Variants in QTRT2 observed in about 807,000 individuals in gnomAD.
QTRT2 encodes queuine tRNA-ribosyltransferase domain containing 1.
A neutral mutation model predicts 44.8 loss-of-function variants in QTRT2; 32 were observed. The observed-to-expected ratio is 0.71, with a 90% CI of 0.54 to 0.96. The LOEUF is 0.96. QTRT2 is among the 40% of genes least tolerant of loss of function. The pLI, the probability that QTRT2 is intolerant of heterozygous loss-of-function variation, is 0.00. For missense variants in QTRT2, 461 were observed against 503.1 expected, an observed-to-expected ratio of 0.92 and a Z score of 0.80; for synonymous variants, 182 against 187.4, an observed-to-expected ratio of 0.97 and a Z score of 0.24.
At chr3:114,072,299 T>C (rs2077034572) in intron 6 of QTRT2, among the ~76,000 whole-genome samples, 1 of 152,094 alleles carries the variant, frequency 6.6e-6, no homozygotes, top group Non-Finnish European at 1.5e-5. Context: ...ATTACAGGCA[T>C]GCGCCACCGT....
At chr3:114,066,442 A>G in intron 4 of QTRT2, 159 bp downstream of exon 4, 1 of 571,570 alleles carries the variant, frequency 1.7e-6, no homozygotes, top group Non-Finnish European at 3.2e-6. Context: ...GTCAAGATTG[A>G]ATAGGAAACA....
At chr3:114,075,612 G>A (rs1260738370) in intron 6 of QTRT2, among the ~76,000 whole-genome samples, 1 of 150,216 alleles carries the variant, frequency 6.7e-6, no homozygotes, top group Non-Finnish European at 1.5e-5. Context: ...CGGCTCAAGC[G>A]ATTCTCCCAC....
chr3:114,068,336 A>G lies in QTRT2; in HGVS notation c.333+273A>G. On this transcript the variant is annotated intron_variant, in intron 5 of 9. Coordinates refer to ENST00000281273, the MANE Select transcript of QTRT2 (RefSeq NM_024638.4). The stretch of plus-strand genomic sequence containing the variant: ...GGTCAAATACATGCCAAAAAAAGAA[A>G]TTGCTATGATAGGGGAAAACGATAG... 3 of 340,262 alleles carry G rather than the reference A, an allele frequency of 8.8e-6. No homozygotes were observed. In the South Asian group the frequency reaches 1.2e-4, roughly 14 times the overall value. 21.1% of individuals were successfully genotyped at this position (340,262 alleles called of 1,614,324 possible). A position where few individuals can be genotyped will look rare whatever the true frequency, so the allele number is the denominator to read the frequency against.
At chr3:114,062,006 T>C (rs1188894985) in intron 2 of QTRT2, among the ~76,000 whole-genome samples, 2 of 126,508 alleles carry the variant, frequency 1.6e-5, no homozygotes, top group East Asian at 4.7e-4. Context: ...TGCTGCAGGA[T>C]ATTCTAAAAA....
intron 6 of QTRT2, among the ~76,000 whole-genome samples, chr3:114,075,162 A>G (rs571379184): frequency 2.2e-4 from 33 of 152,174 alleles, no homozygotes; most frequent in Non-Finnish European, 4.6e-4. Flanking sequence ...TTATCAGGTT[A>G]TGTACGTACC....
At chr3:114,075,128 G>A (rs2077072200) in intron 6 of QTRT2, among the ~76,000 whole-genome samples, 1 of 152,118 alleles carries the variant, frequency 6.6e-6, no homozygotes, top group Non-Finnish European at 1.5e-5. Flanking sequence ...TTCCTAAGAC[G>A]TTGAAATGAT....
chr3:114,082,449 T>C (rs1325487919), intron 8 of QTRT2: 1 of 288,404 alleles, frequency 3.5e-6, no homozygotes, highest in East Asian at 6.2e-5. Flanking sequence ...TATAATTTGC[T>C]TAGATATTAT....
intron 6 of QTRT2, among the ~76,000 whole-genome samples, chr3:114,074,032 C>T (rs1162564809): frequency 6.6e-6 from 1 of 152,084 alleles, no homozygotes; most frequent in Non-Finnish European, 1.5e-5. Context: ...TTAGGGATGG[C>T]GAATGGTTTC....
chr3:114,060,118 G>A (rs1227191888), intron 2 of QTRT2, among the ~76,000 whole-genome samples: 1 of 152,024 alleles, frequency 6.6e-6, no homozygotes, highest in Non-Finnish European at 1.5e-5. Flanking sequence ...AGAGTGGGAA[G>A]GGGAGATGAG....
intron 2 of QTRT2, among the ~76,000 whole-genome samples, chr3:114,060,504 ATAGATAGATAGATAGATAG>A (rs1559946096): frequency 2.2e-5 from 1 of 46,318 alleles, no homozygotes; most frequent in Non-Finnish European, 5.8e-5. Flanking sequence ...AGGTAGATAG[ATAGATAGATAGATAGATAG>A]ATAGATAGAT....
chr3:114,070,890 A>C, intron 6 of QTRT2, 52 bp downstream of exon 6: 1 of 1,428,586 alleles, frequency 7.0e-7, no homozygotes, highest in South Asian at 1.2e-5. Flanking sequence ...TGCCTCCCTT[A>C]CATTCTGTGA....
chr3:114,083,546 G>A (rs376393872), intron 9 of QTRT2, among the ~76,000 whole-genome samples: 2 of 152,130 alleles, frequency 1.3e-5, no homozygotes, highest in East Asian at 1.9e-4. Flanking sequence ...TCCAAAAGTG[G>A]TAATCATCAG....
At chr3:114,084,660 T>C (rs544493281) in intron 9 of QTRT2, among the ~76,000 whole-genome samples, 57 of 152,310 alleles carry the variant, frequency 3.7e-4, no homozygotes, top group Admixed American at 1.6e-3. Flanking sequence ...GTCCTTTAAC[T>C]GTACTAATAC....
At position 114,056,955 on chromosome 3, in the gene QTRT2, C is replaced by G. The variant is rs1452595309; in HGVS notation, c.-129-44C>G. 4 of 1,493,608 alleles carry G rather than the reference C, an allele frequency of 2.7e-6. No individual in the cohort carries two copies. In the African/African-American group the frequency reaches 4.2e-5, roughly 16 times the overall value. 92.5% of individuals were successfully genotyped at this position (1,493,608 alleles called of 1,614,324 possible). On this transcript the variant is annotated intron_variant, in intron 1 of 9. Coordinates refer to ENST00000281273, the MANE Select transcript of QTRT2 (RefSeq NM_024638.4). ...ACGCTTCCTGGTTGTGTTGCAGTAACGGTGATTGTACTCCCGCCATGTCTC... is the reference window on the plus strand; with the variant it reads ...ACGCTTCCTGGTTGTGTTGCAGTAAGGGTGATTGTACTCCCGCCATGTCTC...
chr3:114,086,036 T>G lies in QTRT2; in HGVS notation c.*132T>G, dbSNP rs2077233186. 2 of 744,322 alleles carry G rather than the reference T, an allele frequency of 2.7e-6. No homozygotes were observed. The highest frequency in any genetic ancestry group is 4.4e-6 in the Non-Finnish European group (2 of 455,516). The allele number at this position is 744,322 out of a possible 1,614,324, so 46.1% of individuals were successfully genotyped here. A position where few individuals can be genotyped will look rare whatever the true frequency, so the allele number is the denominator to read the frequency against. On this transcript the variant is annotated 3_prime_UTR_variant, in exon 10 of 10. Coordinates refer to ENST00000281273, the MANE Select transcript of QTRT2 (RefSeq NM_024638.4). ...ATATAAGGTCTGCTTAAATAAAGAA[T>G]CTTTGTACCAAACTGCCCACATGAG...
Position 114,076,927 on chromosome 3 carries a change from C to G in QTRT2, c.731C>G (p.Pro244Arg). The G allele has an allele frequency of 6.2e-7, 1 of 1,613,982 alleles. No individual in the cohort carries two copies. The highest frequency in any genetic ancestry group is 8.5e-7 in the Non-Finnish European group (1 of 1,179,974). The change falls in exon 7 of 10, where the codon CCG becomes CGG. Residue 244 changes from proline to arginine, a missense_variant. Coordinates refer to ENST00000281273, the MANE Select transcript of QTRT2 (RefSeq NM_024638.4). The stretch of plus-strand genomic sequence containing the variant: ...CTGTCATCAGTCACTGCAGAGCTGC[C>G]GGAGGACAAGCCAAGGCCAGTGTTC... The part of the protein sequence containing the change: ...RLLSSVTAEL[P>R]EDKPRLISGV...
chr3:114,058,651 G>C (rs947489384), intron 2 of QTRT2, among the ~76,000 whole-genome samples: 7 of 152,126 alleles, frequency 4.6e-5, no homozygotes, highest in African/African-American at 1.2e-4. Context: ...TCCTGTCTCA[G>C]CCTCCGGAGT....
intron 8 of QTRT2, among the ~76,000 whole-genome samples, chr3:114,081,713 C>G (rs1034314483): frequency 2.6e-5 from 4 of 151,996 alleles, no homozygotes; most frequent in African/African-American, 9.7e-5. Flanking sequence ...GCTGGGATTA[C>G]AGGCATGAGC....
intron 7 of QTRT2, chr3:114,078,720 G>A (rs2077125658): frequency 1.3e-5 from 2 of 152,010 alleles, no homozygotes; most frequent in Admixed American, 1.3e-4. Context: ...GTACTGGTTG[G>A]GCATCCCTAA....
Sources: gnomAD v4.1 joint callset for allele counts (sites outside exome capture counted in the v4.1 genomes callset) on GRCh38, gnomAD v4.1.1 for gene constraint, MANE v1.5 for transcripts, NCBI Gene and HGNC (gene_info 2026-07-23, HGNC 2026-07-21) for gene names.